Variants in ADAMTS3 observed in about 807,000 individuals in gnomAD.
ADAMTS3 encodes the protein A disintegrin and metalloproteinase with thrombospondin motifs 3.
Under a neutral mutation model 129.0 loss-of-function variants are expected in ADAMTS3, and 73 were observed. The observed-to-expected ratio is 0.57, with a 90% CI of 0.47 to 0.69. The LOEUF (loss-of-function observed/expected upper bound fraction) is 0.69. ADAMTS3 is among the 30% of genes least tolerant of loss of function. The pLI, the probability that ADAMTS3 is intolerant of heterozygous loss-of-function variation, is 0.00. For synonymous variants in ADAMTS3, 477 were observed against 510.8 expected (o/e 0.93, Z 0.89); for missense variants, 1,457 against 1,514.5 (o/e 0.96, Z 0.63).
chr4:72,488,768 C>T (rs1194771113), intron 3 of ADAMTS3, among the ~76,000 whole-genome samples: 1 of 151,812 alleles, frequency 6.6e-6, no homozygotes, highest in Non-Finnish European at 1.5e-5. Flanking sequence ...ATGTAGTCAT[C>T]AATATTTTTT....
chr4:72,502,221 T>G (rs1720045141), intron 3 of ADAMTS3, among the ~76,000 whole-genome samples: 1 of 152,150 alleles, frequency 6.6e-6, no homozygotes, highest in Non-Finnish European at 1.5e-5. Context: ...CTTGTAGAAT[T>G]TGGCTGTGAA....
intron 17 of ADAMTS3, among the ~76,000 whole-genome samples, chr4:72,300,273 C>G (rs540978759): frequency 6.6e-5 from 10 of 152,188 alleles, no homozygotes; most frequent in African/African-American, 2.4e-4. Context: ...CTTGTCTACA[C>G]CCTCATCTCC....
intron 5 of ADAMTS3, 144 bp from the exon 6 acceptor site, chr4:72,323,241 G>A (rs912375105): frequency 1.5e-6 from 1 of 659,390 alleles, no homozygotes; most frequent in South Asian, 1.8e-5. Flanking sequence ...CTGAAAGGTA[G>A]TCATTTACTT....
intron 3 of ADAMTS3, among the ~76,000 whole-genome samples, chr4:72,459,022 T>C (rs965544381): frequency 2.0e-5 from 3 of 151,766 alleles, no homozygotes; most frequent in South Asian, 2.1e-4. Context: ...CAATTTTGTA[T>C]ACAAAAAGTT....
chr4:72,563,551 A>G (rs1721954453), intron 2 of ADAMTS3, among the ~76,000 whole-genome samples: 1 of 152,208 alleles, frequency 6.6e-6, no homozygotes, highest in South Asian at 2.1e-4. Context: ...ATAGAATTCA[A>G]TTCAATTTAC....
chr4:72,319,641 C>T (rs1430760438), intron 8 of ADAMTS3, among the ~76,000 whole-genome samples, 166 bp from the exon 9 acceptor site: 1 of 152,210 alleles, frequency 6.6e-6, no homozygotes, highest in Non-Finnish European at 1.5e-5. Context: ...AAATGCCTTT[C>T]TTATTCTATA....
rs185982740 is a variant in ADAMTS3, at chr4:72,553,988, C to T, written c.98-5104G>A. 2.5e-3 allele frequency among the ~76,000 whole-genome samples: 378 copies of T among 152,240 alleles called. 2 individuals carry two copies. Among genetic ancestry groups the T allele is most frequent in the Middle Eastern group, 6.8e-3 (2 of 294 alleles). On this transcript the variant is annotated intron_variant, in intron 2 of 21. Coordinates refer to ENST00000286657, the MANE Select transcript of ADAMTS3 (RefSeq NM_014243.3). ...AGGATCTCCTCAGTAACTTGAACTA[C>T]CCCCAAGAAAAACTGTTGTCATATC...
intron 4 of ADAMTS3, among the ~76,000 whole-genome samples, chr4:72,366,182 T>C (rs1241912935): frequency 6.6e-6 from 1 of 152,178 alleles, no homozygotes; most frequent in Non-Finnish European, 1.5e-5. Flanking sequence ...AACCACAAAA[T>C]AGCTCACATG....
chr4:72,361,576 C>G (rs1187465921), intron 4 of ADAMTS3, among the ~76,000 whole-genome samples: 1 of 152,046 alleles, frequency 6.6e-6, no homozygotes, highest in African/African-American at 2.4e-5. Context: ...GTGGCATTAT[C>G]ACACTAAAAA....
At chr4:72,355,749 G>A (rs1282037011) in intron 4 of ADAMTS3, among the ~76,000 whole-genome samples, 4 of 151,986 alleles carry the variant, frequency 2.6e-5, no homozygotes, top group East Asian at 1.9e-4. Flanking sequence ...GCAGAACTGT[G>A]AGAAATAAAT....
intron 3 of ADAMTS3, among the ~76,000 whole-genome samples, chr4:72,525,488 G>A (rs1293801845): frequency 6.6e-6 from 1 of 152,186 alleles, no homozygotes; most frequent in African/African-American, 2.4e-5. Context: ...TAATCATATT[G>A]ATAGAACTGA....
chr4:72,552,579 A>G (rs1721671874), intron 2 of ADAMTS3, among the ~76,000 whole-genome samples: 2 of 152,166 alleles, frequency 1.3e-5, no homozygotes, highest in African/African-American at 4.8e-5. Flanking sequence ...TCCTCAAAAT[A>G]GAGCCAGAAT....
Position 72,568,888 on chromosome 4 carries a change from A to T in ADAMTS3, c.-126T>A, listed in dbSNP as rs192015492. On this transcript the variant is annotated 5_prime_UTR_variant, in exon 1 of 22. Transcript: ENST00000286657. The stretch of plus-strand genomic sequence containing the variant: ...GGGAAAAAATGCGAAATAGAAAAAA[A>T]TGATCTTCTGTGCTTTGCTTCAATG... 4 of 717,456 alleles carry T rather than the reference A, an allele frequency of 5.6e-6. No homozygotes were observed. Among genetic ancestry groups the T allele is most frequent in the Non-Finnish European group, 9.5e-6 (4 of 420,746 alleles). The allele number at this position is 717,456 out of a possible 1,614,324, so 44.4% of individuals were successfully genotyped here. A position where few individuals can be genotyped will look rare whatever the true frequency, so the allele number is the denominator to read the frequency against.
chr4:72,479,075 T>C (rs2110003049), intron 3 of ADAMTS3, among the ~76,000 whole-genome samples: 1 of 152,308 alleles, frequency 6.6e-6, no homozygotes, highest in East Asian at 1.9e-4. Context: ...CATTCCATGC[T>C]CATGGCTAGG....
chr4:72,338,172 C>T (rs1025723592), intron 5 of ADAMTS3, among the ~76,000 whole-genome samples: 6 of 151,864 alleles, frequency 4.0e-5, no homozygotes, highest in African/African-American at 9.7e-5. Flanking sequence ...CTCAATATGC[C>T]GATAAAGAGA....
Position 72,414,941 on chromosome 4 carries a change from A to G in ADAMTS3, c.535T>C (p.Tyr179His). The G allele has an allele frequency of 6.4e-7, 1 of 1,555,080 alleles. No homozygotes were observed. Among genetic ancestry groups the G allele is most frequent in the Non-Finnish European group, 8.7e-7 (1 of 1,155,490 alleles). ...CCTCTTTCCAAGGGTTCAATGAAAT[A>G]CTCTTCATTATCACTTTTTATCATT... ...AGMIKSDNEE[Y>H]FIEPLERGKQ... Residue 179 changes from tyrosine to histidine, a missense_variant, in exon 4 of 22, where the codon TAT (tyrosine) becomes CAT (histidine). Transcript: ENST00000286657.
chr4:72,539,096 C>A (rs1332779922), intron 3 of ADAMTS3, among the ~76,000 whole-genome samples: 1 of 151,866 alleles, frequency 6.6e-6, no homozygotes, highest in Non-Finnish European at 1.5e-5. Context: ...AAAAGCTTCA[C>A]AACATTGAAT....
intron 3 of ADAMTS3, among the ~76,000 whole-genome samples, chr4:72,420,779 T>C (rs767445620): frequency 3.0e-4 from 46 of 152,178 alleles, no homozygotes; most frequent in Admixed American, 2.8e-3. Context: ...TGGATGACTA[T>C]GAAATTAATG....
chr4:72,513,842 T>A (rs547096452), intron 3 of ADAMTS3, among the ~76,000 whole-genome samples: 1 of 152,138 alleles, frequency 6.6e-6, no homozygotes, highest in East Asian at 1.9e-4. Context: ...TCCTCTCCCA[T>A]CCTTCCTCTT....
Sources: gnomAD v4.1 joint callset for allele counts (sites outside exome capture counted in the v4.1 genomes callset) on GRCh38, gnomAD v4.1.1 for gene constraint, MANE v1.5 for transcripts, NCBI Gene and HGNC (gene_info 2026-07-23, HGNC 2026-07-21) for gene names.